DENND1A: variants seen among roughly 807,000 people sequenced by gnomAD.
DENND1A encodes the protein DENN domain-containing protein 1A.
In DENND1A, 51 loss-of-function variants were observed where a neutral mutation model predicts 113.7. The observed-to-expected ratio is 0.45, with a 90% confidence interval of 0.36 to 0.57. The LOEUF (loss-of-function observed/expected upper bound fraction) is 0.57. Among genes scored for constraint, DENND1A ranks in the 20% least tolerant of loss-of-function variants. The pLI is 0.00. For synonymous variants in DENND1A, 565 were observed against 570.8 expected (o/e 0.99, Z 0.14); for missense variants, 1,258 against 1,395.9 (o/e 0.90, Z 1.57).
intron 18 of DENND1A, among the ~76,000 whole-genome samples, chr9:123,443,198 A>G (rs1188430075): frequency 1.3e-5 from 2 of 152,218 alleles, no homozygotes; most frequent in Non-Finnish European, 2.9e-5. Context: ...ATGCCATATC[A>G]TCCCATAACG....
At chr9:123,546,682 T>A (rs1183331373) in intron 13 of DENND1A, among the ~76,000 whole-genome samples, 3 of 152,192 alleles carry the variant, frequency 2.0e-5, no homozygotes, top group African/African-American at 7.2e-5. Context: ...CAACATTTAA[T>A]GAGCACCTAC....
chr9:123,889,887 C>T (rs1212506864), intron 1 of DENND1A, among the ~76,000 whole-genome samples: 1 of 151,948 alleles, frequency 6.6e-6, no homozygotes, highest in Non-Finnish European at 1.5e-5. Context: ...TCAGGAGAAT[C>T]GCTTGAACCT....
chr9:123,509,761 C>T (rs560550051), intron 13 of DENND1A, among the ~76,000 whole-genome samples: 2 of 152,284 alleles, frequency 1.3e-5, no homozygotes, highest in South Asian at 4.1e-4. Context: ...CTTGGAGGAC[C>T]CACATGTTTC....
chr9:123,725,375 C>T (rs1203320037), intron 5 of DENND1A, among the ~76,000 whole-genome samples: 2 of 152,244 alleles, frequency 1.3e-5, no homozygotes, highest in Non-Finnish European at 2.9e-5. Context: ...AAGTTTCCTT[C>T]TGTCCCGCAT....
At chr9:123,410,997 T>G (rs1469157785) in intron 20 of DENND1A, among the ~76,000 whole-genome samples, 1 of 152,092 alleles carries the variant, frequency 6.6e-6, no homozygotes, top group Non-Finnish European at 1.5e-5. Context: ...GACCCCATAT[T>G]TTTCCATGGA....
At chr9:123,431,468 C>T (rs921118779) in intron 19 of DENND1A, among the ~76,000 whole-genome samples, 1 of 152,240 alleles carries the variant, frequency 6.6e-6, no homozygotes, top group African/African-American at 2.4e-5. Context: ...GCCCAGGTGG[C>T]TGCACTGGCC....
chr9:123,462,037 A>G (rs941771870), intron 13 of DENND1A: 1 of 152,206 alleles, frequency 6.6e-6, no homozygotes, highest in African/African-American at 2.4e-5. Context: ...GGAAGGGTGA[A>G]TAGGACTTAG....
At chr9:123,528,842 G>A (rs1000200460) in intron 13 of DENND1A, among the ~76,000 whole-genome samples, 15 of 152,158 alleles carry the variant, frequency 9.9e-5, no homozygotes, top group Admixed American at 9.8e-4. Context: ...CAGCCACGGA[G>A]AACAACTTCA....
chr9:123,601,202 C>T (rs568732056), intron 11 of DENND1A, among the ~76,000 whole-genome samples: 2 of 152,180 alleles, frequency 1.3e-5, no homozygotes, highest in African/African-American at 2.4e-5. Context: ...TTCCATCTCA[C>T]GTGAGAATAT....
intron 13 of DENND1A, among the ~76,000 whole-genome samples, chr9:123,479,716 C>T (rs1314516727): frequency 6.6e-6 from 1 of 152,258 alleles, no homozygotes; most frequent in African/African-American, 2.4e-5. Context: ...TGTCTGCCCA[C>T]TTGGCCTGTC....
At chr9:123,929,225 G>A (rs140194595) in intron 1 of DENND1A, among the ~76,000 whole-genome samples, 5 of 152,352 alleles carry the variant, frequency 3.3e-5, no homozygotes, top group Non-Finnish European at 7.3e-5. Flanking sequence ...GAATGAATGA[G>A]TGAGGGAATT....
intron 19 of DENND1A, among the ~76,000 whole-genome samples, chr9:123,417,058 C>T (rs1032074326): frequency 2.0e-5 from 3 of 152,248 alleles, no homozygotes; most frequent in Admixed American, 2.0e-4. Flanking sequence ...ATTGGTTCTG[C>T]CACTTAGGCG....
chr9:123,668,185 G>C (rs1440973082), intron 7 of DENND1A, among the ~76,000 whole-genome samples: 1 of 152,124 alleles, frequency 6.6e-6, no homozygotes, highest in African/African-American at 2.4e-5. Context: ...ATGCAGAGAA[G>C]GTCAGCGTAG....
chr9:123,560,884 A>G (rs1004819295), intron 12 of DENND1A, among the ~76,000 whole-genome samples: 4 of 152,068 alleles, frequency 2.6e-5, no homozygotes, highest in African/African-American at 7.2e-5. Context: ...CCCCAGCCCC[A>G]CAGTGATGAG....
chr9:123,407,395 C>T (rs936352131), intron 20 of DENND1A, among the ~76,000 whole-genome samples: 4 of 152,090 alleles, frequency 2.6e-5, no homozygotes, highest in East Asian at 3.9e-4. Flanking sequence ...CACAAATACA[C>T]ACTCACAGAG....
intron 5 of DENND1A, among the ~76,000 whole-genome samples, chr9:123,746,134 T>G (rs1589910859): frequency 6.6e-6 from 1 of 152,346 alleles, no homozygotes; most frequent in East Asian, 1.9e-4. Context: ...TGTGTATATG[T>G]ACATTTGACG....
intron 19 of DENND1A, among the ~76,000 whole-genome samples, chr9:123,429,476 A>C (rs1428122273): frequency 6.6e-6 from 1 of 152,098 alleles, no homozygotes; most frequent in East Asian, 1.9e-4. Flanking sequence ...AATCGCTTGA[A>C]CCTGGGATGT....
At chr9:123,809,289 T>C (rs1836142756) in intron 2 of DENND1A, among the ~76,000 whole-genome samples, 1 of 152,154 alleles carries the variant, frequency 6.6e-6, no homozygotes, top group Admixed American at 6.5e-5. Context: ...ACAATAGCCA[T>C]TATAATATTT....
At chr9:123,896,434 C>T (rs1478384603) in intron 1 of DENND1A, among the ~76,000 whole-genome samples, 2 of 151,994 alleles carry the variant, frequency 1.3e-5, no homozygotes, top group Non-Finnish European at 2.9e-5. Context: ...TGGAAAAATC[C>T]ACTTCAAACT....
Sources: gnomAD v4.1 joint callset for allele counts (sites outside exome capture counted in the v4.1 genomes callset) on GRCh38, gnomAD v4.1.1 for gene constraint, MANE v1.5 for transcripts, NCBI Gene and HGNC (gene_info 2026-07-23, HGNC 2026-07-21) for gene names.